The following GAS7 variants were observed in gnomAD, a reference collection of about 807,000 sequenced individuals.
GAS7 encodes growth arrest specific 7, also known as growth arrest-specific protein 7.
A neutral mutation model predicts 71.1 loss-of-function variants in GAS7; 28 were observed. The ratio of observed to expected loss-of-function variants is 0.39; its 90% CI spans 0.29 to 0.54. The LOEUF is 0.54. Ranked by LOEUF, GAS7 falls within the 20% of genes least tolerant of loss-of-function variation. The pLI is 0.62. For missense variants in GAS7, 436 were observed against 627.8 expected, an observed-to-expected ratio of 0.69 and a Z score of 3.27; for synonymous variants, 258 against 245.8, an observed-to-expected ratio of 1.05 and a Z score of -0.46.
chr17:9,979,736 T>A (rs1202869949), intron 3 of GAS7, among the ~76,000 whole-genome samples: 2 of 152,134 alleles, frequency 1.3e-5, no homozygotes, highest in African/African-American at 4.8e-5. Flanking sequence ...CCCTGTCCTG[T>A]CCTCCTTCAC....
intron 11 of GAS7, among the ~76,000 whole-genome samples, chr17:9,920,206 T>C (rs935795059): frequency 2.6e-5 from 4 of 152,022 alleles, no homozygotes; most frequent in Non-Finnish European, 5.9e-5. Context: ...TGTGTGTGCA[T>C]GAACACACTG....
At chr17:10,141,709 T>A (rs1223407085) in intron 1 of GAS7, among the ~76,000 whole-genome samples, 4 of 152,164 alleles carry the variant, frequency 2.6e-5, no homozygotes, top group Non-Finnish European at 4.4e-5. Flanking sequence ...TTGGGCAAGT[T>A]CTGGTACCTC....
At chr17:10,095,442 G>A (rs545597410) in intron 1 of GAS7, among the ~76,000 whole-genome samples, 14 of 152,214 alleles carry the variant, frequency 9.2e-5, no homozygotes, top group South Asian at 6.2e-4. Context: ...GATTACAGGC[G>A]TGAGTCACCA....
intron 2 of GAS7, among the ~76,000 whole-genome samples, chr17:9,987,268 G>GC (rs2070683999): frequency 2.0e-5 from 3 of 152,162 alleles, no homozygotes; most frequent in African/African-American, 7.2e-5. Flanking sequence ...AGTGAGATGT[G>GC]CCCCGGGGAG....
At chr17:10,078,188 C>T (rs996117130) in intron 1 of GAS7, among the ~76,000 whole-genome samples, 2 of 151,998 alleles carry the variant, frequency 1.3e-5, no homozygotes, top group Non-Finnish European at 2.9e-5. Context: ...ATCTCCCAGG[C>T]TTGAGCAATC....
At chr17:10,079,283 C>T (rs1240594146) in intron 1 of GAS7, among the ~76,000 whole-genome samples, 2 of 152,084 alleles carry the variant, frequency 1.3e-5, no homozygotes, top group South Asian at 2.1e-4. Flanking sequence ...CACTGTAAAC[C>T]GAAAATAAAA....
chr17:10,191,051 C>T (rs763287846), intron 1 of GAS7, among the ~76,000 whole-genome samples: 7 of 151,640 alleles, frequency 4.6e-5, no homozygotes, highest in South Asian at 2.1e-4. Flanking sequence ...GGCGCATGCC[C>T]GTAATCCCAG....
intron 1 of GAS7, among the ~76,000 whole-genome samples, chr17:10,148,135 G>A (rs555360615): frequency 2.0e-5 from 3 of 152,284 alleles, no homozygotes; most frequent in Non-Finnish European, 4.4e-5. Context: ...TGATTTAGGA[G>A]CTTGAGAAAG....
intron 2 of GAS7, among the ~76,000 whole-genome samples, chr17:9,994,159 T>A: frequency 1.3e-5 from 2 of 148,996 alleles, no homozygotes. Flanking sequence ...ATGCCTTTCT[T>A]CACAGAATTG....
At chr17:9,954,488 G>A (rs1049583857) in intron 5 of GAS7, among the ~76,000 whole-genome samples, 61 of 108,076 alleles carry the variant, frequency 5.6e-4, no homozygotes, top group South Asian at 1.2e-3. Context: ...GTGGGGGGTG[G>A]GGGGTCATGA....
In GAS7 at chr17:9,911,714, C is replaced by G. The variant is rs1051099028; in HGVS notation, c.*5514G>C. On this transcript the variant is annotated 3_prime_UTR_variant, in exon 14 of 14. Transcript: ENST00000432992. This position sits in a 1 kb window ranked among gnomAD's most constrained non-coding sequence, Gnocchi z 4.0. ...TTTCAACCCAGCAGAGTCCTGGCAG[C>G]CTCTTCGGCTCCCTACCTTGAGGCC... 3.9e-5 allele frequency: 9 copies of G among 232,478 alleles called. No individual in the cohort carries two copies. The highest frequency in any genetic ancestry group is 6.8e-5 in the Non-Finnish European group (8 of 117,634). The allele number at this position is 232,478 out of a possible 1,614,324, so 14.4% of individuals were successfully genotyped here.
intron 1 of GAS7, among the ~76,000 whole-genome samples, chr17:10,144,542 T>TC (rs1213322707): frequency 3.9e-5 from 6 of 152,240 alleles, no homozygotes; most frequent in Middle Eastern, 6.8e-3. Flanking sequence ...GATGTTAATT[T>TC]CTTTTTTTTC....
intron 1 of GAS7, among the ~76,000 whole-genome samples, chr17:10,097,815 G>A (rs942181857): frequency 3.9e-5 from 6 of 152,016 alleles, no homozygotes; most frequent in South Asian, 2.1e-4. Flanking sequence ...AGGCCGAGGC[G>A]GGCAGATCAC....
intron 1 of GAS7, among the ~76,000 whole-genome samples, chr17:10,181,832 G>A (rs62064587): frequency 0.039 from 5,924 of 152,154 alleles, 126 homozygotes; most frequent in African/African-American, 0.054. Context: ...TAAAGGAGCC[G>A]GCCAAAACCC....
chr17:9,947,037 G>A (rs1030679514), intron 5 of GAS7, 54 bp from the exon 6 acceptor site: 2 of 1,249,816 alleles, frequency 1.6e-6, no homozygotes, highest in Non-Finnish European at 2.3e-6. Flanking sequence ...GAATAGCGAG[G>A]AAGGCTTCGG....
At chr17:10,055,226 G>A (rs1195784034) in intron 1 of GAS7, among the ~76,000 whole-genome samples, 2 of 152,156 alleles carry the variant, frequency 1.3e-5, no homozygotes, top group Non-Finnish European at 2.9e-5. Flanking sequence ...AAGCCCAAGC[G>A]CTGGAAGCTA....
Position 10,122,334 on chromosome 17 carries a change from T to C in GAS7, c.183+75874A>G, listed in dbSNP as rs117772511. On this transcript the variant is annotated intron_variant, in intron 1 of 13. Coordinates refer to ENST00000432992, the MANE Select transcript of GAS7 (RefSeq NM_201433.2). The stretch of plus-strand genomic sequence containing the variant: ...ATCTTCTAGAAACCCTCATCCTTCC[T>C]CTCCCTCCCAGACACGTGCACACTG... Among the ~76,000 whole-genome samples, 177 of 152,108 alleles carry C rather than the reference T, an allele frequency of 1.2e-3. 3 individuals are homozygous for C. In the East Asian group the frequency reaches 0.032, roughly 28 times the overall value.
chr17:9,922,189 GTGATGAAGATGATGA>G (rs898719757), intron 11 of GAS7, among the ~76,000 whole-genome samples: 6 of 131,006 alleles, frequency 4.6e-5, no homozygotes, highest in South Asian at 4.5e-4. Context: ...GGCTATGGTG[GTGATGAAGATGATGA>G]TGATGATGAT....
intron 1 of GAS7, among the ~76,000 whole-genome samples, chr17:10,123,005 TA>T (rs1217411673): frequency 2.0e-5 from 3 of 152,216 alleles, no homozygotes; most frequent in African/African-American, 7.2e-5. Context: ...CTGATTTTTT[TA>T]GATTTTGAGG....
Sources: gnomAD v4.1 joint callset for allele counts (sites outside exome capture counted in the v4.1 genomes callset) on GRCh38, gnomAD v4.1.1 for gene constraint, Gnocchi (gnomAD v3.1) non-coding constraint, MANE v1.5 for transcripts, NCBI Gene and HGNC (gene_info 2026-07-23, HGNC 2026-07-21) for gene names.